Variants in TECRL observed in about 807,000 individuals in gnomAD.
TECRL encodes trans-2,3-enoyl-CoA reductase-like.
TECRL carries 63 observed loss-of-function variants against 52.8 expected under a neutral mutation model. The observed-to-expected ratio is 1.19, with a 90% CI of 0.97 to 1.47. The LOEUF is 1.47. TECRL is among the 40% of genes most tolerant of loss of function. TECRL has a pLI of 0.00. For synonymous variants in TECRL, 164 were observed against 141.9 expected, an observed-to-expected ratio of 1.16 and a Z score of -1.10; for missense variants, 482 against 429.6, an observed-to-expected ratio of 1.12 and a Z score of -1.08.
At chr4:64,304,629 G>C (rs1475704399) in intron 7 of TECRL, among the ~76,000 whole-genome samples, 2 of 151,956 alleles carry the variant, frequency 1.3e-5, no homozygotes, top group Non-Finnish European at 2.9e-5. Context: ...GAAATTCCTT[G>C]ATCAGGGCAA....
intron 2 of TECRL, among the ~76,000 whole-genome samples, chr4:64,336,785 C>G (rs1719120234): frequency 6.6e-6 from 1 of 152,284 alleles, no homozygotes; most frequent in South Asian, 2.1e-4. Context: ...CATTGAGGAG[C>G]AGGTTGTTCA....
chr4:64,357,972 AAAT>A (rs1235216291), intron 2 of TECRL, among the ~76,000 whole-genome samples: 3 of 151,794 alleles, frequency 2.0e-5, no homozygotes, highest in Admixed American at 6.6e-5. Flanking sequence ...AACTAAATAT[AAAT>A]AATAAGTGTG....
intron 6 of TECRL, among the ~76,000 whole-genome samples, chr4:64,309,289 T>C (rs1320636716): frequency 2.6e-5 from 4 of 152,160 alleles, no homozygotes; most frequent in Non-Finnish European, 4.4e-5. Context: ...AAATTTAGCT[T>C]AAATTGAAAA....
intron 1 of TECRL, among the ~76,000 whole-genome samples, chr4:64,392,302 G>C (rs1252336829): frequency 2.0e-5 from 3 of 151,872 alleles, no homozygotes; most frequent in East Asian, 3.9e-4. Flanking sequence ...ATGAGAACCA[G>C]TTAAAAACCA....
intron 3 of TECRL, among the ~76,000 whole-genome samples, chr4:64,327,745 C>G (rs142645779): frequency 1.0e-3 from 155 of 152,026 alleles, no homozygotes; most frequent in African/African-American, 3.6e-3. Flanking sequence ...AAGAAATAAT[C>G]ATTTGTCTTT....
intron 1 of TECRL, among the ~76,000 whole-genome samples, chr4:64,391,704 T>C (rs1440749848): frequency 1.3e-5 from 2 of 151,876 alleles, no homozygotes; most frequent in Non-Finnish European, 2.9e-5. Flanking sequence ...TAACAGAGAC[T>C]GGATAGATTA....
intron 1 of TECRL, among the ~76,000 whole-genome samples, chr4:64,388,895 A>G (rs1247541693): frequency 2.6e-5 from 4 of 151,916 alleles, no homozygotes; most frequent in Middle Eastern, 3.2e-3. Flanking sequence ...ATTCATTAGT[A>G]GGATATACAA....
intron 9 of TECRL, among the ~76,000 whole-genome samples, chr4:64,286,966 T>C (rs1431510278): frequency 1.3e-5 from 2 of 152,128 alleles, no homozygotes; most frequent in Non-Finnish European, 2.9e-5. Context: ...GTGTTTCGCT[T>C]CTCTACTAAA....
chr4:64,285,363 G>T (rs1723029379), intron 9 of TECRL, among the ~76,000 whole-genome samples: 2 of 152,048 alleles, frequency 1.3e-5, no homozygotes, highest in African/African-American at 4.8e-5. Context: ...CTTTGGCATG[G>T]TTCTCATTCC....
At chr4:64,292,459 T>C (rs1397138739) in intron 8 of TECRL, among the ~76,000 whole-genome samples, 1 of 151,940 alleles carries the variant, frequency 6.6e-6, no homozygotes, top group East Asian at 1.9e-4. Flanking sequence ...AGTAACGTAA[T>C]AAAAATACTA....
chr4:64,322,353 C>T (rs1717956858), intron 4 of TECRL, among the ~76,000 whole-genome samples: 1 of 151,488 alleles, frequency 6.6e-6, no homozygotes, highest in East Asian at 1.9e-4. Context: ...CTTGTCATCA[C>T]CATCATTGGC....
At chr4:64,318,888 T>C (rs1318249609) in intron 4 of TECRL, among the ~76,000 whole-genome samples, 1 of 151,816 alleles carries the variant, frequency 6.6e-6, no homozygotes, top group African/African-American at 2.4e-5. Flanking sequence ...AGCAAAAAGG[T>C]TAAGTCTAAA....
chr4:64,382,063 G>T (rs1201416625), intron 1 of TECRL, among the ~76,000 whole-genome samples: 1 of 151,460 alleles, frequency 6.6e-6, no homozygotes, highest in African/African-American at 2.4e-5. Flanking sequence ...GCAACTCAGT[G>T]CTGGGCTTTT....
At chr4:64,277,150 AC>A, downstream of TECRL, 2 of 809,750 alleles carry the variant, frequency 2.5e-6, no homozygotes, top group African/African-American at 1.7e-5. Flanking sequence ...AATAACTGAT[AC>A]AAAAAAAGTA....
chr4:64,388,545 C>T (rs1723333010), intron 1 of TECRL, among the ~76,000 whole-genome samples: 1 of 151,834 alleles, frequency 6.6e-6, no homozygotes, highest in South Asian at 2.1e-4. Context: ...AAACAGTTTG[C>T]TAATATGCAC....
At position 64,333,864 on chromosome 4, in the gene TECRL, C is replaced by CA. The variant is rs370827407; in HGVS notation, c.287-5309dup. 2.0e-4 allele frequency among the ~76,000 whole-genome samples: 26 copies of CA among 129,072 alleles called. 1 individual carries two copies. Among genetic ancestry groups the CA allele is most frequent in the Non-Finnish European group, 2.3e-4 (14 of 61,856 alleles). The allele number at this position is 129,072 out of a possible 152,430, so 84.7% of individuals were successfully genotyped here. On this transcript the variant is annotated intron_variant, in intron 2 of 11. Transcript: ENST00000381210. ...TGAAACCCCGTCTCTACTAAAAATA[C>CA]AAAAAAAAAATTAGCCGGGCGCGGT...
intron 4 of TECRL, among the ~76,000 whole-genome samples, chr4:64,320,300 T>C (rs1717811208): frequency 1.3e-5 from 2 of 151,958 alleles, no homozygotes; most frequent in Non-Finnish European, 2.9e-5. Context: ...ATTATTTCCC[T>C]ATTATATTAT....
At chr4:64,328,695 G>C (rs1718425880) in intron 2 of TECRL, 139 bp from the exon 3 acceptor site, 1 of 669,796 alleles carries the variant, frequency 1.5e-6, no homozygotes, top group Admixed American at 2.8e-5. Context: ...AGAAATAGTG[G>C]TTACCTTTTG....
At chr4:64,372,905 T>A (rs1268918163) in intron 2 of TECRL, among the ~76,000 whole-genome samples, 1 of 151,578 alleles carries the variant, frequency 6.6e-6, no homozygotes, top group African/African-American at 2.4e-5. Context: ...CTCTTTGGTA[T>A]ATATTTATGT....
Sources: allele counts gnomAD v4.1 joint callset (sites outside exome capture counted in the v4.1 genomes callset), GRCh38; gene constraint gnomAD v4.1.1; transcripts MANE v1.5; gene names NCBI Gene and HGNC (gene_info 2026-07-23, HGNC 2026-07-21).